ELAVL2: variants seen among roughly 807,000 people sequenced by gnomAD.
The protein encoded by ELAVL2 is ELAV-like protein 2.
Under a neutral mutation model 34.6 loss-of-function variants are expected in ELAVL2, and 4 were observed. The observed-to-expected ratio is 0.12, with a 90% CI of 0.06 to 0.26. The LOEUF (loss-of-function observed/expected upper bound fraction) is 0.26, where lower values mean the gene tolerates loss of function less well. Ranked by LOEUF, ELAVL2 falls within the 10% of genes least tolerant of loss-of-function variation. The pLI is 1.00. For synonymous variants in ELAVL2, 193 were observed against 154.8 expected, an observed-to-expected ratio of 1.25 and a Z score of -1.83; for missense variants, 432 against 442.8, an observed-to-expected ratio of 0.98 and a Z score of 0.22.
chr9:23,706,654 G>A (rs1170628425), intron 3 of ELAVL2, among the ~76,000 whole-genome samples: 1 of 152,174 alleles, frequency 6.6e-6, no homozygotes, highest in Non-Finnish European at 1.5e-5. Flanking sequence ...AATGGTCAAT[G>A]TGTCTGGGAT....
intron 2 of ELAVL2, 28 bp from the exon 3 acceptor site, chr9:23,731,153 T>G: frequency 6.3e-7 from 1 of 1,599,834 alleles, no homozygotes; most frequent in Non-Finnish European, 8.5e-7. Flanking sequence ...GAAAAAGGCA[T>G]ATATTAGTTC....
chr9:23,714,774 G>A (rs1032745259), intron 3 of ELAVL2, among the ~76,000 whole-genome samples: 3 of 151,838 alleles, frequency 2.0e-5, no homozygotes, highest in African/African-American at 4.8e-5. Flanking sequence ...CCATGCAATC[G>A]GCCACCTGAT....
chr9:23,722,760 A>C (rs934669909), intron 3 of ELAVL2, among the ~76,000 whole-genome samples: 1 of 152,240 alleles, frequency 6.6e-6, no homozygotes, highest in Non-Finnish European at 1.5e-5. Flanking sequence ...ATTTCATCAA[A>C]GGGATTAAGT....
intron 1 of ELAVL2, among the ~76,000 whole-genome samples, chr9:23,781,439 G>C (rs911722658): frequency 3.3e-5 from 5 of 151,644 alleles, no homozygotes; most frequent in African/African-American, 1.2e-4. Flanking sequence ...AATATACTAC[G>C]TTCCAAGTAC....
chr9:23,698,036 T>C (rs983751946), intron 5 of ELAVL2, among the ~76,000 whole-genome samples: 3 of 152,152 alleles, frequency 2.0e-5, no homozygotes, highest in Non-Finnish European at 2.9e-5. Context: ...CAAAAGGAAA[T>C]TGTGATAATG....
At chr9:23,693,280 A>G (rs192831778) in intron 6 of ELAVL2, among the ~76,000 whole-genome samples, 168 bp downstream of exon 6, 119 of 152,318 alleles carry the variant, frequency 7.8e-4, no homozygotes, top group Non-Finnish European at 1.3e-3. Flanking sequence ...CCGGTGGTAT[A>G]AAAATTTCTT....
At chr9:23,739,404 A>C (rs1475398828) in intron 2 of ELAVL2, among the ~76,000 whole-genome samples, 1 of 152,198 alleles carries the variant, frequency 6.6e-6, no homozygotes, top group Non-Finnish European at 1.5e-5. Context: ...TGAAAGTCAT[A>C]CCTGACAGTT....
intron 3 of ELAVL2, among the ~76,000 whole-genome samples, chr9:23,707,844 A>C (rs1245477838): frequency 6.6e-6 from 1 of 152,194 alleles, no homozygotes; most frequent in East Asian, 1.9e-4. Context: ...GTAAATGCCC[A>C]GCCCCTTAAA....
intron 2 of ELAVL2, among the ~76,000 whole-genome samples, chr9:23,753,649 C>A (rs552326912): frequency 6.6e-6 from 1 of 152,218 alleles, no homozygotes; most frequent in South Asian, 2.1e-4. Context: ...TCTAACTGAA[C>A]TATTTCCATT....
intron 1 of ELAVL2, among the ~76,000 whole-genome samples, chr9:23,810,704 C>T (rs80205523): frequency 0.028 from 4,274 of 152,250 alleles, 230 homozygotes; most frequent in Admixed American, 0.12. Flanking sequence ...GATCCTACTT[C>T]CCCACTTGGT....
chr9:23,727,326 G>A (rs998188386), intron 3 of ELAVL2, among the ~76,000 whole-genome samples: 4 of 152,108 alleles, frequency 2.6e-5, no homozygotes, highest in Non-Finnish European at 4.4e-5. Context: ...AGACGGATAC[G>A]TTGTTTTCAA....
intron 2 of ELAVL2, among the ~76,000 whole-genome samples, chr9:23,748,192 A>AG (rs1253606659): frequency 6.6e-6 from 1 of 150,986 alleles, no homozygotes; most frequent in Non-Finnish European, 1.5e-5. Context: ...AAAGAGTACT[A>AG]GGGAAGGGGG....
At chr9:23,811,151 A>G (rs903415077) in intron 1 of ELAVL2, among the ~76,000 whole-genome samples, 1 of 152,276 alleles carries the variant, frequency 6.6e-6, no homozygotes, top group South Asian at 2.1e-4. Context: ...ATTTCACCCT[A>G]CCATCCACAA....
intron 3 of ELAVL2, among the ~76,000 whole-genome samples, chr9:23,712,286 C>A (rs993008492): frequency 4.6e-5 from 7 of 152,128 alleles, no homozygotes; most frequent in African/African-American, 1.7e-4. Context: ...TTAGCTGCAA[C>A]ACAGTCTTCA....
intron 1 of ELAVL2, among the ~76,000 whole-genome samples, chr9:23,803,907 C>T (rs1277791705): frequency 6.6e-6 from 1 of 152,154 alleles, no homozygotes; most frequent in Non-Finnish European, 1.5e-5. Flanking sequence ...ACTTGGAGAA[C>T]TTGAGAGTGG....
intron 2 of ELAVL2, among the ~76,000 whole-genome samples, chr9:23,738,146 C>A (rs1164480911): frequency 1.3e-5 from 2 of 152,130 alleles, no homozygotes; most frequent in Non-Finnish European, 2.9e-5. Context: ...ACTCTGGCAC[C>A]AAAGCAACTC....
intron 3 of ELAVL2, among the ~76,000 whole-genome samples, chr9:23,716,015 G>A (rs544453133): frequency 1.3e-5 from 2 of 152,294 alleles, no homozygotes; most frequent in African/African-American, 2.4e-5. Context: ...CAAGAGACGG[G>A]TAGGTGGACA....
At chr9:23,742,282 C>T (rs992947659) in intron 2 of ELAVL2, among the ~76,000 whole-genome samples, 2 of 152,166 alleles carry the variant, frequency 1.3e-5, no homozygotes, top group Admixed American at 6.6e-5. Flanking sequence ...TTCTGCCCCC[C>T]GACCAAGCTA....
chr9:23,777,581 C>A (rs1171678610), intron 1 of ELAVL2, among the ~76,000 whole-genome samples: 1 of 152,084 alleles, frequency 6.6e-6, no homozygotes, highest in Non-Finnish European at 1.5e-5. Flanking sequence ...TGAGTTGAGT[C>A]ATCAGGACAC....
Sources: gnomAD v4.1 joint callset for allele counts (sites outside exome capture counted in the v4.1 genomes callset) on GRCh38, gnomAD v4.1.1 for gene constraint, MANE v1.5 for transcripts, NCBI Gene and HGNC (gene_info 2026-07-23, HGNC 2026-07-21) for gene names.